The following HK1 variants were observed in gnomAD, a reference collection of about 807,000 sequenced individuals.
HK1 encodes the protein hexokinase-1.
In HK1, 28 loss-of-function variants were observed where a neutral mutation model predicts 91.6. The observed-to-expected ratio is 0.31, with a 90% CI of 0.23 to 0.42. The LOEUF (loss-of-function observed/expected upper bound fraction) is 0.42. Among genes scored for constraint, HK1 ranks in the 10% least tolerant of loss-of-function variants. The pLI, the probability that HK1 is intolerant of heterozygous loss-of-function variation, is 1.00. For synonymous variants in HK1, 430 were observed against 468.1 expected, an observed-to-expected ratio of 0.92 and a Z score of 1.05; for missense variants, 770 against 1,219.8, an observed-to-expected ratio of 0.63 and a Z score of 5.49.
At chr10:69,313,338 G>A (rs944445968), upstream of HK1, among the ~76,000 whole-genome samples, 2 of 152,300 alleles carry the variant, frequency 1.3e-5, no homozygotes, top group South Asian at 2.1e-4. Context: ...CAGCATATGC[G>A]GGGAAGGCGC....
intron 1 of HK1, among the ~76,000 whole-genome samples, chr10:69,279,828 A>G (rs971064367): frequency 1.3e-5 from 2 of 152,184 alleles, no homozygotes; most frequent in Non-Finnish European, 2.9e-5. Flanking sequence ...ATGTGGCCCA[A>G]TCTACAAAGC....
At chr10:69,284,203 A>G (rs1051713997) in intron 2 of HK1, among the ~76,000 whole-genome samples, 2 of 152,078 alleles carry the variant, frequency 1.3e-5, no homozygotes, top group African/African-American at 4.8e-5. Flanking sequence ...CTGATTTCAA[A>G]TCTCAGCTTG....
chr10:69,372,673 T>C (rs760190956), intron 7 of HK1, among the ~76,000 whole-genome samples: 2 of 152,168 alleles, frequency 1.3e-5, no homozygotes, highest in Non-Finnish European at 2.9e-5. Flanking sequence ...TCTTTTCTCA[T>C]TGGTAATCAG....
Position 69,300,854 on chromosome 10 carries a change from A to G in HK1, c.20A>G (p.His7Arg), listed in dbSNP as rs906220. The change falls in exon 5 of 22, where the codon CAT (histidine) becomes CGT (arginine). Residue 7 changes from histidine (H) to arginine (R), a missense_variant. Coordinates refer to the HK1 transcript ENST00000360289. ...GGAAAGATGGCAAAAAGAGCCCTGC[A>G]TGATTTTGTACGTAGAAAATCCTGG... 0.92 allele frequency: 1,440,318 copies of G among 1,569,990 alleles called. 661,473 individuals are homozygous for G. Among genetic ancestry groups the G allele is most frequent in the East Asian group, 0.99 (44,290 of 44,550 alleles).
In HK1 at chr10:69,330,578, A is replaced by G. The variant is rs111266425; in HGVS notation, c.63+11568A>G. ...ATGGGGTTCAGGACATACTATCCCC[A>G]AATAGTAATATGGCATTTGAGAAAA... is the stretch of plus-strand genomic sequence containing the variant. On this transcript the variant is annotated intron_variant, in intron 1 of 17. Coordinates refer to ENST00000359426, the MANE Select transcript of HK1 (RefSeq NM_000188.3). Among the ~76,000 whole-genome samples the G allele has an allele frequency of 5.6e-4, 85 of 152,290 alleles. 2 individuals are homozygous for G. The highest frequency in any genetic ancestry group is 1.9e-3 in the African/African-American group (81 of 41,566).
intron 4 of HK1, among the ~76,000 whole-genome samples, chr10:69,299,256 T>C (rs1011260670): frequency 2.6e-5 from 4 of 151,550 alleles, no homozygotes; most frequent in African/African-American, 9.7e-5. Context: ...CACTGCAGCC[T>C]CCACCCCGTG....
intron 1 of HK1, among the ~76,000 whole-genome samples, chr10:69,340,215 C>G (rs1848220049): frequency 6.6e-6 from 1 of 152,118 alleles, no homozygotes; most frequent in African/African-American, 2.4e-5. Context: ...GTCCAAAATG[C>G]TGGAGTAGCA....
At chr10:69,397,301 C>G (rs1457300568) in intron 16 of HK1, among the ~76,000 whole-genome samples, 1 of 152,158 alleles carries the variant, frequency 6.6e-6, no homozygotes, top group African/African-American at 2.4e-5. Context: ...TCTCCACATC[C>G]TCGCCAACAC....
chr10:69,358,300 C>G (rs1564538448), intron 2 of HK1, among the ~76,000 whole-genome samples: 1 of 152,204 alleles, frequency 6.6e-6, no homozygotes, highest in African/African-American at 2.4e-5. Flanking sequence ...ATGGTTGGAA[C>G]TTTGCCCATG....
chr10:69,283,798 CAA>C (rs571297748), intron 2 of HK1, among the ~76,000 whole-genome samples: 19 of 67,596 alleles, frequency 2.8e-4, no homozygotes, highest in African/African-American at 1.1e-3. Context: ...GACTCTGTCT[CAA>C]AAAAAAAAAA....
At chr10:69,355,941 A>C (rs550092650) in intron 2 of HK1, among the ~76,000 whole-genome samples, 1 of 152,134 alleles carries the variant, frequency 6.6e-6, no homozygotes, top group Non-Finnish European at 1.5e-5. Flanking sequence ...CAAAAGAATG[A>C]AGTTTGACCT....
intron 1 of HK1, among the ~76,000 whole-genome samples, chr10:69,342,041 A>C (rs569820635): frequency 1.3e-5 from 2 of 152,142 alleles, no homozygotes; most frequent in South Asian, 4.2e-4. Flanking sequence ...CCAGCCACTC[A>C]GGAGGCTGAG....
At chr10:69,343,793 G>C in intron 1 of HK1, 34 bp from the exon 2 acceptor site, 2 of 1,577,764 alleles carry the variant, frequency 1.3e-6, no homozygotes, top group African/African-American at 2.7e-5. Context: ...CCTCCCCCTC[G>C]ACCTCACTCT....
intron 2 of HK1, among the ~76,000 whole-genome samples, chr10:69,357,333 A>G (rs1157267189): frequency 6.6e-6 from 1 of 152,242 alleles, no homozygotes; most frequent in African/African-American, 2.4e-5. Context: ...TGTTATATCT[A>G]TAGAGTGTAA....
chr10:69,323,033 G>A (rs1033756243), intron 1 of HK1, among the ~76,000 whole-genome samples: 1 of 152,156 alleles, frequency 6.6e-6, no homozygotes, highest in Non-Finnish European at 1.5e-5. Context: ...GAATCACGAA[G>A]TCAGGAGTTC....
rs1177161842 is a variant in HK1, at chr10:69,309,495, T to TAA, written c.27+8660_27+8661dup. Among the ~76,000 whole-genome samples, 118 of 46,984 alleles carry TAA rather than the reference T, an allele frequency of 2.5e-3. 23 individuals carry two copies. The highest frequency in any genetic ancestry group is 0.014 in the African/African-American group (113 of 8,314). The allele number at this position is 46,984 out of a possible 152,430, so 30.8% of individuals were successfully genotyped here. The stretch of plus-strand genomic sequence containing the variant: ...CGCGCCTGGCATGACTTTGTCTCAT[T>TAA]AAAAAAAAAAAAAAAAAAAAAAAAA... On this transcript the variant is annotated intron_variant, in intron 5 of 21. Coordinates refer to the HK1 transcript ENST00000360289.
In HK1 at chr10:69,373,604, T is replaced by C. The variant is rs569705473; in HGVS notation, c.876-3330T>C. On this transcript the variant is annotated intron_variant, in intron 7 of 17. Transcript: ENST00000359426. ...TTTCCTTGAGGTTTTTTTTTTTTTT[T>C]CTTTGAGACAGGGTATCACTCTGTT... 1.3e-3 allele frequency among the ~76,000 whole-genome samples: 199 copies of C among 151,706 alleles called. 2 individuals carry two copies. The highest frequency in any genetic ancestry group is 3.1e-3 in the Admixed American group (48 of 15,244).
chr10:69,323,564 T>TCTC (rs1847167341), intron 1 of HK1, among the ~76,000 whole-genome samples: 1 of 151,012 alleles, frequency 6.6e-6, no homozygotes, highest in Admixed American at 6.6e-5. Context: ...ATGAGAAGTG[T>TCTC]CTCATAACCT....
At chr10:69,368,108 T>A (rs2132809932) in intron 4 of HK1, among the ~76,000 whole-genome samples, 1 of 152,372 alleles carries the variant, frequency 6.6e-6, no homozygotes, top group East Asian at 1.9e-4. Flanking sequence ...TGTTTCTTTT[T>A]CCAATTTGGC....
Sources: gnomAD v4.1 joint callset for allele counts (sites outside exome capture counted in the v4.1 genomes callset) on GRCh38, gnomAD v4.1.1 for gene constraint, MANE v1.5 for transcripts, NCBI Gene and HGNC (gene_info 2026-07-23, HGNC 2026-07-21) for gene names.